Variants in CCDC178 observed in about 807,000 individuals in gnomAD.
The protein encoded by CCDC178 is coiled-coil domain-containing protein 178.
In CCDC178, 126 loss-of-function variants were observed where a neutral mutation model predicts 117.4. The ratio of observed to expected loss-of-function variants is 1.07; its 90% CI spans 0.93 to 1.24. CCDC178 has a LOEUF of 1.24. CCDC178 is among the 50% of genes most tolerant of loss of function. CCDC178 has a pLI of 0.00. For missense variants in CCDC178, 1,030 were observed against 986.9 expected, an observed-to-expected ratio of 1.04 and a Z score of -0.59; for synonymous variants, 283 against 313.4, an observed-to-expected ratio of 0.90 and a Z score of 1.02.
intron 2 of CCDC178, among the ~76,000 whole-genome samples, chr18:33,417,855 C>T (rs2063967942): frequency 6.6e-6 from 1 of 152,014 alleles, no homozygotes; most frequent in Non-Finnish European, 1.5e-5. Flanking sequence ...TAATAAAAAG[C>T]CTACCAACCA....
intron 22 of CCDC178, among the ~76,000 whole-genome samples, chr18:32,942,036 C>T (rs1480866507): frequency 1.3e-5 from 2 of 152,008 alleles, no homozygotes; most frequent in Non-Finnish European, 2.9e-5. Flanking sequence ...TGTTGCCATC[C>T]CACCCAGTTG....
At chr18:33,114,927 GAAT>G (rs1331209384) in intron 20 of CCDC178, among the ~76,000 whole-genome samples, 1 of 152,000 alleles carries the variant, frequency 6.6e-6, no homozygotes, top group Non-Finnish European at 1.5e-5. Context: ...GTTGTCATTT[GAAT>G]AATAGAGATT....
chr18:33,197,311 G>C (rs1441732475), intron 20 of CCDC178, among the ~76,000 whole-genome samples: 1 of 152,168 alleles, frequency 6.6e-6, no homozygotes, highest in South Asian at 2.1e-4. Flanking sequence ...TTGCAGGTGC[G>C]AGCCACCGCA....
At chr18:33,218,508 A>G (rs1410951677) in intron 18 of CCDC178, among the ~76,000 whole-genome samples, 1 of 152,092 alleles carries the variant, frequency 6.6e-6, no homozygotes, top group Non-Finnish European at 1.5e-5. Flanking sequence ...TTGGTGTTTT[A>G]GTCATGAAGT....
At chr18:33,411,543 CA>C (rs2063854067) in intron 3 of CCDC178, among the ~76,000 whole-genome samples, 1 of 67,236 alleles carries the variant, frequency 1.5e-5, no homozygotes, top group African/African-American at 3.9e-5. Flanking sequence ...GCTCAAGATG[CA>C]AAAAAATAAA....
chr18:33,316,282 G>A (rs1371338434), intron 11 of CCDC178, among the ~76,000 whole-genome samples: 1 of 152,224 alleles, frequency 6.6e-6, no homozygotes, highest in Non-Finnish European at 1.5e-5. Context: ...GATAGCGCGA[G>A]TTCCGTGGGT....
intron 2 of CCDC178, among the ~76,000 whole-genome samples, chr18:33,435,082 A>G (rs1159765087): frequency 6.6e-6 from 1 of 152,100 alleles, no homozygotes; most frequent in East Asian, 1.9e-4. Context: ...TGAATGAGGG[A>G]CCGTCTGCAG....
At chr18:33,414,439 A>G (rs1278703390) in intron 2 of CCDC178, among the ~76,000 whole-genome samples, 3 of 152,218 alleles carry the variant, frequency 2.0e-5, no homozygotes, top group Non-Finnish European at 2.9e-5. Flanking sequence ...GACAAAAACA[A>G]GAAATGAGGA....
chr18:33,249,661 G>T (rs1228578061), intron 14 of CCDC178, among the ~76,000 whole-genome samples: 3 of 152,052 alleles, frequency 2.0e-5, no homozygotes, highest in Non-Finnish European at 4.4e-5. Flanking sequence ...TGCTGTTTTG[G>T]TTACTGTAGC....
At chr18:32,946,504 T>A (rs1253702096) in intron 22 of CCDC178, among the ~76,000 whole-genome samples, 2 of 152,136 alleles carry the variant, frequency 1.3e-5, no homozygotes, top group Non-Finnish European at 2.9e-5. Flanking sequence ...GATCACTTTG[T>A]TATTTTCTAC....
chr18:33,323,667 C>T (rs1034020016), intron 10 of CCDC178, 34 bp from the exon 11 acceptor site: 17 of 1,294,410 alleles, frequency 1.3e-5, no homozygotes, highest in Non-Finnish European at 1.7e-5. Flanking sequence ...TATATTTGCA[C>T]TTAATGGTTA....
chr18:33,409,219 G>A (rs2063819922), intron 3 of CCDC178, among the ~76,000 whole-genome samples: 1 of 152,008 alleles, frequency 6.6e-6, no homozygotes. Flanking sequence ...CCAGTAGCTG[G>A]GACTACAGGC....
chr18:33,034,827 T>C (rs570859778), intron 21 of CCDC178, among the ~76,000 whole-genome samples: 1 of 152,172 alleles, frequency 6.6e-6, no homozygotes, highest in Non-Finnish European at 1.5e-5. Context: ...TAATTATAAT[T>C]CATTTCATCT....
chr18:33,197,359 A>G (rs1369710854), intron 20 of CCDC178, among the ~76,000 whole-genome samples: 1 of 152,162 alleles, frequency 6.6e-6, no homozygotes, highest in Admixed American at 6.5e-5. Flanking sequence ...GAACAATGAC[A>G]AACGCAAGGG....
intron 7 of CCDC178, among the ~76,000 whole-genome samples, chr18:33,350,898 G>T (rs555646773): frequency 4.6e-5 from 7 of 152,028 alleles, no homozygotes; most frequent in East Asian, 1.9e-4. Context: ...AATATGCAAG[G>T]GTTCTAATGT....
chr18:33,118,016 CCT>C (rs2057882952), intron 20 of CCDC178, among the ~76,000 whole-genome samples: 1 of 152,092 alleles, frequency 6.6e-6, no homozygotes, highest in African/African-American at 2.4e-5. Context: ...CAGAGTAACC[CCT>C]GTCTGACAAC....
intron 8 of CCDC178, 60 bp from the exon 9 acceptor site, chr18:33,346,471 GAACATGGGCCTTAGTTGT>G: frequency 1.0e-6 from 1 of 978,862 alleles, no homozygotes. Context: ...TGGATGATGG[GAACATGGGCCTTAGTTGT>G]ATTATTATAT....
At chr18:33,033,472 T>A (rs2056385342) in intron 21 of CCDC178, among the ~76,000 whole-genome samples, 1 of 152,108 alleles carries the variant, frequency 6.6e-6, no homozygotes, top group South Asian at 2.1e-4. Flanking sequence ...TGACTCTACC[T>A]ATGCCTTTGT....
intron 21 of CCDC178, among the ~76,000 whole-genome samples, chr18:33,029,269 G>A (rs2056287886): frequency 6.6e-6 from 1 of 151,860 alleles, no homozygotes; most frequent in Admixed American, 6.6e-5. Flanking sequence ...GAATACATGA[G>A]TCTCACCTGA....
Sources: gnomAD v4.1 joint callset for allele counts (sites outside exome capture counted in the v4.1 genomes callset) on GRCh38, gnomAD v4.1.1 for gene constraint, MANE v1.5 for transcripts, NCBI Gene and HGNC (gene_info 2026-07-23, HGNC 2026-07-21) for gene names.